The following MROH2A variants were observed in gnomAD, a reference collection of about 807,000 sequenced individuals.
MROH2A encodes maestro heat like repeat family member 2A.
Under a neutral mutation model 200.4 loss-of-function variants are expected in MROH2A, and 174 were observed. The ratio of observed to expected loss-of-function variants is 0.87; its 90% CI spans 0.77 to 0.98. The LOEUF is 0.98. Ranked by LOEUF, MROH2A falls within the 50% of genes least tolerant of loss-of-function variation. The pLI, the probability that MROH2A is intolerant of heterozygous loss-of-function variation, is 0.00. For synonymous variants in MROH2A, 829 were observed against 840.4 expected (o/e 0.99, Z 0.23); for missense variants, 2,045 against 2,139.6 (o/e 0.96, Z 0.87).
In MROH2A at chr2:233,823,035, A is replaced by AC. The variant is rs2124881508; in HGVS notation, c.4004+18dup. 1 of 1,549,406 alleles carries AC rather than the reference A, an allele frequency of 6.5e-7. No homozygotes were observed. Among genetic ancestry groups the AC allele is most frequent in the East Asian group, 2.4e-5 (1 of 40,906 alleles). ...GCTGGCCAGGTGGGCCCTGGCTCCC[A>AC]CAGGGTGGCAGGGGGACCTGCAGAG... On this transcript the variant is annotated intron_variant, in intron 34 of 41. Transcript: ENST00000389758.
At chr2:233,822,842 C>T in intron 33 of MROH2A, 39 bp from the exon 34 acceptor site, 1 of 1,547,640 alleles carries the variant, frequency 6.5e-7, no homozygotes, top group Non-Finnish European at 8.7e-7. Flanking sequence ...CATGCGCTCC[C>T]AGCAGGGCAG....
chr2:233,819,387 C>T lies in MROH2A; in HGVS notation c.3275C>T (p.Ala1092Val). The T allele has an allele frequency of 6.4e-7, 1 of 1,550,538 alleles. No individual in the cohort carries two copies. Among genetic ancestry groups the T allele is most frequent in the Non-Finnish European group, 8.7e-7 (1 of 1,146,924 alleles). ...LIQKLCENTG[A>V]MNLQHDKASV... ...CAGAAGCTCTGCGAGAACACTGGGG[C>T]CATGAACCTGCAGCATGACAAGGCC... The change falls in exon 30 of 42, where the codon GCC (alanine) becomes GTC (valine). Residue 1092 changes from alanine (A) to valine (V), a missense_variant. This residue lies in a region of MROH2A where 1,201 missense variants were observed against 1,311.3 expected (regional missense o/e 0.92). Coordinates refer to ENST00000389758, the MANE Select transcript of MROH2A (RefSeq NM_001394639.1).
At position 233,807,986 on chromosome 2, in the gene MROH2A, T is replaced by G; in HGVS notation, c.2295+131T>G. 1 of 1,199,122 alleles carries G rather than the reference T, an allele frequency of 8.3e-7. No homozygotes were observed. The highest frequency in any genetic ancestry group is 1.2e-6 in the Non-Finnish European group (1 of 851,550). The allele number at this position is 1,199,122 out of a possible 1,614,324, so 74.3% of individuals were successfully genotyped here. The stretch of plus-strand genomic sequence containing the variant: ...CGGAGTCTCCTGTCATCAAAATGGC[T>G]GAGACATTGTCTTACTCTGAGACCT... On this transcript the variant is annotated intron_variant, in intron 21 of 41. Transcript: ENST00000389758. The surrounding 1 kb of genome is among the most constrained non-coding windows in gnomAD (Gnocchi z 4.3).
intron 23 of MROH2A, among the ~76,000 whole-genome samples, 165 bp downstream of exon 23, chr2:233,811,081 T>G (rs1192728104): frequency 6.6e-6 from 1 of 152,222 alleles, no homozygotes; most frequent in East Asian, 1.9e-4. Context: ...AGAATGATTT[T>G]TGTATCTGAT....
intron 41 of MROH2A, 114 bp downstream of exon 41, chr2:233,832,758 G>C (rs573270895): frequency 4.4e-5 from 29 of 654,856 alleles, no homozygotes; most frequent in African/African-American, 2.0e-4. Flanking sequence ...GGGGTTTCGG[G>C]GGGGTGGGAG....
intron 7 of MROH2A, 59 bp from the exon 8 acceptor site, chr2:233,794,304 C>A: frequency 2.3e-6 from 3 of 1,280,386 alleles, no homozygotes; most frequent in South Asian, 2.6e-5. Flanking sequence ...GGGCTGAGGT[C>A]ACTGGCCTTG....
rs11563241 is a variant in MROH2A at position 233,807,780 on chromosome 2, G to A, written c.2220G>A (p.Thr740=). ...TGTGTGCCCGGGGCCAGGTAAAAAC[G>A]GTGCTGAATGTGCTTCATGACTTCG... ...FGLCARGQVK[T]VLNVLHDFEE... Residue 740 remains threonine (T), a synonymous_variant, in exon 21 of 42, where the codon ACG becomes ACA. Transcript: ENST00000389758. The surrounding 1 kb of genome is among the most constrained non-coding windows in gnomAD (Gnocchi z 4.3). 0.24 allele frequency: 378,619 copies of A among 1,550,494 alleles called. 51,166 individuals carry two copies. Among genetic ancestry groups the A allele is most frequent in the African/African-American group, 0.48 (34,859 of 73,068 alleles).
intron 5 of MROH2A, among the ~76,000 whole-genome samples, chr2:233,792,509 T>C (rs1390300307): frequency 6.6e-6 from 1 of 151,986 alleles, no homozygotes; most frequent in Non-Finnish European, 1.5e-5. Context: ...AGACGGGGTT[T>C]CAACCGTGTT....
chr2:233,830,411 G>T (rs1704645741), intron 38 of MROH2A, among the ~76,000 whole-genome samples: 1 of 152,174 alleles, frequency 6.6e-6, no homozygotes, highest in South Asian at 2.1e-4. Flanking sequence ...AAGTGGGGAG[G>T]TGGCTGATTT....
At position 233,802,225 on chromosome 2, in the gene MROH2A, AC is replaced by A; in HGVS notation, c.1619del (p.Thr540IlefsTer46). ...GGAGACAGACTACGTGGAAGCTTTGACTCCTATCTGTATCAGCCTCACAAAC... is the reference window on the plus strand; with the variant it reads ...GGAGACAGACTACGTGGAAGCTTTGATCCTATCTGTATCAGCCTCACAAAC... Reference protein sequence around the residue: ...IMETDYVEALTPICISLTNLA... With the variant: ...IMETDYVEALXPICISLTNLA... On this transcript the variant is annotated frameshift_variant, in exon 15 of 42. Coordinates refer to ENST00000389758, the MANE Select transcript of MROH2A (RefSeq NM_001394639.1). LOFTEE classifies it high-confidence loss of function. The A allele has an allele frequency of 6.5e-7, 1 of 1,550,022 alleles. No individual in the cohort carries two copies. The highest frequency in any genetic ancestry group is 8.7e-7 in the Non-Finnish European group (1 of 1,146,770).
intron 30 of MROH2A, 126 bp downstream of exon 30, chr2:233,819,595 A>G: frequency 3.8e-6 from 4 of 1,053,384 alleles, no homozygotes; most frequent in Non-Finnish European, 5.4e-6. Context: ...CCTGGCTGCT[A>G]AAGAGGAGGA....
intron 14 of MROH2A, 125 bp from the exon 15 acceptor site, chr2:233,802,043 A>G: frequency 9.2e-7 from 1 of 1,092,168 alleles, no homozygotes; most frequent in South Asian, 1.9e-5. Context: ...CAGGGCTGAG[A>G]CTGTCAGGGG....
intron 26 of MROH2A, among the ~76,000 whole-genome samples, chr2:233,815,722 G>T (rs1314792143): frequency 1.3e-5 from 2 of 152,056 alleles, no homozygotes; most frequent in African/African-American, 4.8e-5. Context: ...TGTATTTCTG[G>T]ACACTTATTT....
chr2:233,797,512 T>C (rs181874030), intron 11 of MROH2A, among the ~76,000 whole-genome samples: 31 of 152,344 alleles, frequency 2.0e-4, no homozygotes, highest in Non-Finnish European at 1.5e-5. Flanking sequence ...AGCTGCCCTC[T>C]TTCTATTGAG....
In MROH2A at chr2:233,807,320, A is replaced by G. The variant is rs1575967049; in HGVS notation, c.2053-103A>G. 2 of 1,290,834 alleles carry G rather than the reference A, an allele frequency of 1.5e-6. No individual in the cohort carries two copies. Among genetic ancestry groups the G allele is most frequent in the East Asian group, 2.6e-5 (1 of 39,134 alleles). The allele number at this position is 1,290,834 out of a possible 1,614,324, so 80.0% of individuals were successfully genotyped here. ...ACGTGTGTGCAAGTATCTTCTGCACATTAAAATAAATTGAAAAATACGTAG... is the reference window on the plus strand; with the variant it reads ...ACGTGTGTGCAAGTATCTTCTGCACGTTAAAATAAATTGAAAAATACGTAG... On this transcript the variant is annotated intron_variant, in intron 19 of 41. Transcript: ENST00000389758. The surrounding 1 kb of genome is among the most constrained non-coding windows in gnomAD (Gnocchi z 4.3).
At chr2:233,793,382 C>T (rs532529159) in intron 6 of MROH2A, among the ~76,000 whole-genome samples, 2 of 152,310 alleles carry the variant, frequency 1.3e-5, no homozygotes, top group South Asian at 4.2e-4. Context: ...TGTTCACTGC[C>T]CTCTGACCTG....
intron 3 of MROH2A, among the ~76,000 whole-genome samples, chr2:233,786,200 C>A (rs1166495940): frequency 6.6e-6 from 1 of 152,206 alleles, no homozygotes; most frequent in Non-Finnish European, 1.5e-5. Context: ...TGAAGCCTCC[C>A]AACCACGTGG....
At chr2:233,808,362 G>A (rs1702938776) in intron 21 of MROH2A, among the ~76,000 whole-genome samples, 2 of 152,158 alleles carry the variant, frequency 1.3e-5, no homozygotes, top group African/African-American at 4.8e-5. Context: ...CCAGTATTTG[G>A]ACCCAGACAG....
Position 233,832,628 on chromosome 2 carries a change from C to G in MROH2A, c.4887C>G (p.Phe1629Leu). The G allele has an allele frequency of 6.5e-7, 1 of 1,549,190 alleles. No individual in the cohort carries two copies. The highest frequency in any genetic ancestry group is 8.7e-7 in the Non-Finnish European group (1 of 1,145,726). Reference protein sequence around the residue: ...MSTHYLKKLDFPALRNSLQEL... With the variant: ...MSTHYLKKLDLPALRNSLQEL... ...CACATTATCTGAAAAAGCTGGACTTCCCAGCATTACGGAATTGTGAGTAGT... is the reference window on the plus strand; with the variant it reads ...CACATTATCTGAAAAAGCTGGACTTGCCAGCATTACGGAATTGTGAGTAGT... The change falls in exon 41 of 42, where the codon TTC becomes TTG. Residue 1629 changes from phenylalanine (F) to leucine (L), a missense_variant. This residue lies in a region of MROH2A where 1,201 missense variants were observed against 1,311.3 expected (regional missense o/e 0.92). Coordinates refer to ENST00000389758, the MANE Select transcript of MROH2A (RefSeq NM_001394639.1).
Sources: gnomAD v4.1 joint callset for allele counts (sites outside exome capture counted in the v4.1 genomes callset) on GRCh38, gnomAD v4.1.1 for gene constraint, gnomAD v4.1.1 regional missense constraint, Gnocchi (gnomAD v3.1) non-coding constraint, MANE v1.5 for transcripts, NCBI Gene and HGNC (gene_info 2026-07-23, HGNC 2026-07-21) for gene names.